The following ADORA2B variants were observed in gnomAD, a reference collection of about 807,000 sequenced individuals.
ADORA2B encodes the protein adenosine A2b receptor.
In ADORA2B, 18 loss-of-function variants were observed where a neutral mutation model predicts 20.8. The observed-to-expected ratio is 0.87, with a 90% CI of 0.60 to 1.29. The LOEUF is 1.29. ADORA2B is among the 50% of genes most tolerant of loss of function. The probability of loss-of-function intolerance (pLI) is 0.00; values close to 1 mark genes in which losing one functional copy is unlikely to be tolerated. For missense variants in ADORA2B, 441 were observed against 422.7 expected, an observed-to-expected ratio of 1.04 and a Z score of -0.38; for synonymous variants, 179 against 178.3, an observed-to-expected ratio of 1.00 and a Z score of -0.03.
chr17:15,931,007 T>C, the ADORA2B span, among the ~76,000 whole-genome samples: 1 of 152,232 alleles, frequency 6.6e-6, no homozygotes, highest in East Asian at 1.9e-4. Context: ...CTTGCACATA[T>C]CAAAACACAC....
At chr17:15,856,512 G>T in the ADORA2B span, among the ~76,000 whole-genome samples, 1 of 151,940 alleles carries the variant, frequency 6.6e-6, no homozygotes, top group Admixed American at 6.6e-5. Context: ...TTGGAACTGG[G>T]TAACAGGCAG....
At chr17:15,923,206 A>ATTTTTTTTTTTTTTTTTTTT in the ADORA2B span, among the ~76,000 whole-genome samples, 1 of 113,526 alleles carries the variant, frequency 8.8e-6, no homozygotes, top group African/African-American at 3.6e-5. Flanking sequence ...TCTTTTTTTA[A>ATTTTTTTTTTTTTTTTTTTT]TTTTTTTTTT....
chr17:15,930,182 GGGC>G, the ADORA2B span, among the ~76,000 whole-genome samples: 2 of 152,062 alleles, frequency 1.3e-5, no homozygotes, highest in African/African-American at 4.8e-5. Context: ...GAGCATCCTG[GGGC>G]GACCCTGTTG....
the ADORA2B span, among the ~76,000 whole-genome samples, chr17:15,879,337 C>T: frequency 6.6e-6 from 1 of 151,836 alleles, no homozygotes; most frequent in African/African-American, 2.4e-5. Flanking sequence ...CCTGTAGTCT[C>T]AGGTACTTGT....
chr17:15,921,417 A>G, the ADORA2B span, among the ~76,000 whole-genome samples: 1 of 152,198 alleles, frequency 6.6e-6, no homozygotes, highest in African/African-American at 2.4e-5. Flanking sequence ...ATCTCCTTTG[A>G]AAGTGAAATT....
chr17:15,973,596 T>C (rs933497040), intron 1 of ADORA2B, among the ~76,000 whole-genome samples: 4 of 152,334 alleles, frequency 2.6e-5, no homozygotes, highest in Admixed American at 6.5e-5. Context: ...TCGATTCTCA[T>C]AGGAGCTAAC....
At chr17:15,894,343 A>C in the ADORA2B span, among the ~76,000 whole-genome samples, 2 of 152,240 alleles carry the variant, frequency 1.3e-5, no homozygotes, top group African/African-American at 4.8e-5. Context: ...GACAGGGATC[A>C]CATTTAGATG....
the ADORA2B span, among the ~76,000 whole-genome samples, chr17:15,909,194 TAAAA>T: frequency 5.3e-5 from 8 of 151,272 alleles, no homozygotes; most frequent in African/African-American, 1.9e-4. Flanking sequence ...ACTACGTCTC[TAAAA>T]AAAACAGCAA....
the ADORA2B span, among the ~76,000 whole-genome samples, chr17:15,929,797 A>G: frequency 6.6e-6 from 1 of 152,196 alleles, no homozygotes; most frequent in Non-Finnish European, 1.5e-5. Context: ...GATTGCACCT[A>G]CATGAGGTAG....
chr17:15,925,063 T>A, the ADORA2B span, among the ~76,000 whole-genome samples: 1 of 151,832 alleles, frequency 6.6e-6, no homozygotes, highest in Non-Finnish European at 1.5e-5. Flanking sequence ...TGAGATGGAG[T>A]CTGACTCTGT....
At chr17:15,919,383 T>G in the ADORA2B span, among the ~76,000 whole-genome samples, 2 of 152,106 alleles carry the variant, frequency 1.3e-5, no homozygotes, top group South Asian at 4.1e-4. Context: ...CAGGACTACC[T>G]AAAGCAAGAC....
At position 15,975,565 on chromosome 17, in the gene ADORA2B, G is replaced by A. The variant is rs1970246888; in HGVS notation, c.*223G>A. The A allele has an allele frequency of 5.4e-6, 3 of 552,754 alleles. No individual in the cohort carries two copies. The highest frequency in any genetic ancestry group is 2.5e-5 in the South Asian group (1 of 39,796). 34.2% of individuals were successfully genotyped at this position (552,754 alleles called of 1,614,324 possible). On this transcript the variant is annotated 3_prime_UTR_variant, in exon 2 of 2. Transcript: ENST00000304222. ...TGATCTATTCAGCTGCTTTTACTGT[G>A]TGGATTATGCCAACAGCTTGAATGG...
the ADORA2B span, among the ~76,000 whole-genome samples, chr17:15,910,665 G>C: frequency 6.6e-6 from 1 of 152,194 alleles, no homozygotes; most frequent in Non-Finnish European, 1.5e-5. Flanking sequence ...TATCATTAGT[G>C]TTAGTGTATT....
chr17:15,975,231 CT>C lies in ADORA2B; in HGVS notation c.890del (p.Phe297SerfsTer62). On this transcript the variant is annotated frameshift_variant, in exon 2 of 2. Transcript: ENST00000304222. LOFTEE classifies it high-confidence loss of function. ...PIVYAYRNRD[F>X]RYTFHKIISR... is the part of the protein sequence containing the mutation. Reference sequence around the variant, plus strand: ...TTGTCTATGCTTACCGGAACCGAGACTTCCGCTACACTTTTCACAAAATTAT... The same window carrying C: ...TTGTCTATGCTTACCGGAACCGAGACTCCGCTACACTTTTCACAAAATTAT... 6.2e-7 allele frequency: 1 copy of C among 1,614,006 alleles called. No homozygotes were observed. The highest frequency in any genetic ancestry group is 8.5e-7 in the Non-Finnish European group (1 of 1,180,036).
upstream of ADORA2B, chr17:15,944,968 C>T: frequency 3.9e-6 from 1 of 253,990 alleles, no homozygotes. This position sits in a 1 kb window ranked among gnomAD's most constrained non-coding sequence, Gnocchi z 4.8. Flanking sequence ...GGCGCCTGGA[C>T]CGGAGGGGCC....
At chr17:15,863,126 C>T in the ADORA2B span, among the ~76,000 whole-genome samples, 6 of 151,968 alleles carry the variant, frequency 3.9e-5, no homozygotes, top group African/African-American at 1.5e-4. Context: ...GTTTTAAAAA[C>T]CAGAATTAGT....
At chr17:15,887,951 C>CAAAAAAAAAAAAA in the ADORA2B span, among the ~76,000 whole-genome samples, 1 of 22,226 alleles carries the variant, frequency 4.5e-5, no homozygotes, top group Non-Finnish European at 7.9e-5. Context: ...AAGACTCCAT[C>CAAAAAAAAAAAAA]AAAAAAAAAA....
At chr17:15,960,553 C>CAAA (rs57307680) in intron 1 of ADORA2B, among the ~76,000 whole-genome samples, 1 of 250 alleles carries the variant, frequency 4.0e-3, no homozygotes, top group African/African-American at 4.7e-3. Flanking sequence ...GACTCCGTCT[C>CAAA]AAAAAAAAAA....
At chr17:15,874,105 CACAT>C in the ADORA2B span, among the ~76,000 whole-genome samples, 2 of 138,304 alleles carry the variant, frequency 1.4e-5, no homozygotes, top group African/African-American at 6.2e-5. Context: ...TACACACACA[CACAT>C]ATATACATAC....
Sources: allele counts gnomAD v4.1 joint callset (sites outside exome capture counted in the v4.1 genomes callset), GRCh38; gene constraint gnomAD v4.1.1; non-coding constraint Gnocchi (gnomAD v3.1); transcripts MANE v1.5; gene names NCBI Gene and HGNC (gene_info 2026-07-23, HGNC 2026-07-21).